RBFOX1: variants seen among roughly 807,000 people sequenced by gnomAD.
The protein encoded by RBFOX1 is RNA binding fox-1 homolog 1.
In RBFOX1, 8 loss-of-function variants were observed where a neutral mutation model predicts 57.7. That is an observed-to-expected ratio of 0.14 (90% confidence interval 0.08 to 0.25). RBFOX1 has a LOEUF of 0.25. RBFOX1 is among the 10% of genes least tolerant of loss of function. The pLI is 1.00. For missense variants in RBFOX1, 611 were observed against 548.5 expected (o/e 1.11, Z -1.14); for synonymous variants, 326 against 222.4 (o/e 1.47, Z -4.15).
intron 1 of RBFOX1, among the ~76,000 whole-genome samples, chr16:6,196,107 A>C (rs764524045): frequency 6.6e-6 from 1 of 152,226 alleles, no homozygotes; most frequent in Admixed American, 6.5e-5. Flanking sequence ...AGTGCTTTGC[A>C]TTCATTCTCA....
At chr16:5,708,370 C>G (rs1386159682) in intron 3 of RBFOX1, among the ~76,000 whole-genome samples, 1 of 151,972 alleles carries the variant, frequency 6.6e-6, no homozygotes, top group Non-Finnish European at 1.5e-5. Context: ...CTTCCATATA[C>G]ATAGATTCCT....
intron 11 of RBFOX1, among the ~76,000 whole-genome samples, chr16:7,642,656 C>T (rs916161403): frequency 2.0e-5 from 3 of 152,092 alleles, no homozygotes; most frequent in South Asian, 2.1e-4. Context: ...TATGTATATG[C>T]ACTGGATAAA....
chr16:5,771,982 A>T (rs548566989), intron 3 of RBFOX1, among the ~76,000 whole-genome samples: 1 of 151,968 alleles, frequency 6.6e-6, no homozygotes, highest in Non-Finnish European at 1.5e-5. Context: ...GACCAGCCTG[A>T]CCAACATGGT....
At chr16:7,266,128 A>C (rs776300804) in intron 4 of RBFOX1, among the ~76,000 whole-genome samples, 1 of 151,704 alleles carries the variant, frequency 6.6e-6, no homozygotes, top group Admixed American at 6.6e-5. Flanking sequence ...GCGCTCGCCA[A>C]TACACCTGGC....
intron 3 of RBFOX1, among the ~76,000 whole-genome samples, chr16:6,773,459 TTGTG>T (rs2078773104): frequency 1.5e-5 from 2 of 132,546 alleles, no homozygotes; most frequent in South Asian, 5.0e-4. Flanking sequence ...TAGGGTGCAA[TTGTG>T]TGTGTATGTG....
At chr16:7,445,644 C>G (rs2098802070) in intron 4 of RBFOX1, among the ~76,000 whole-genome samples, 1 of 151,984 alleles carries the variant, frequency 6.6e-6, no homozygotes. Context: ...CTTCTGGTCT[C>G]TTAGAAATTC....
chr16:5,611,045 C>T (rs1481539881), intron 3 of RBFOX1, among the ~76,000 whole-genome samples: 1 of 152,138 alleles, frequency 6.6e-6, no homozygotes, highest in East Asian at 1.9e-4. Flanking sequence ...TAGTCTGTTT[C>T]CATATCTCCC....
intron 4 of RBFOX1, among the ~76,000 whole-genome samples, chr16:7,324,976 G>A (rs1410603880): frequency 1.3e-5 from 2 of 152,152 alleles, no homozygotes; most frequent in African/African-American, 2.4e-5. Context: ...TTAATTCCTG[G>A]GTCTTAGTTT....
At chr16:6,784,508 A>G (rs1398145978) in intron 3 of RBFOX1, among the ~76,000 whole-genome samples, 2 of 152,118 alleles carry the variant, frequency 1.3e-5, no homozygotes, top group South Asian at 2.1e-4. Flanking sequence ...TAGAATTCCA[A>G]ATTCCTCTTC....
chr16:6,736,741 A>G (rs919211024), intron 3 of RBFOX1, among the ~76,000 whole-genome samples: 30 of 152,216 alleles, frequency 2.0e-4, no homozygotes, highest in African/African-American at 7.2e-4. Context: ...CCACACTGGG[A>G]AAACCAGTTT....
intron 3 of RBFOX1, among the ~76,000 whole-genome samples, chr16:6,808,960 A>G (rs1225347328): frequency 6.6e-6 from 1 of 152,208 alleles, no homozygotes; most frequent in East Asian, 1.9e-4. Context: ...TCTATATTTG[A>G]GTCCTTGTGG....
At chr16:7,559,569 C>G (rs1425150278) in intron 5 of RBFOX1, among the ~76,000 whole-genome samples, 3 of 152,294 alleles carry the variant, frequency 2.0e-5, no homozygotes, top group East Asian at 1.9e-4. Flanking sequence ...GAATTGTGTG[C>G]AAACCCTGAT....
At chr16:6,653,352 G>A (rs1274573963) in intron 2 of RBFOX1, among the ~76,000 whole-genome samples, 1 of 152,150 alleles carries the variant, frequency 6.6e-6, no homozygotes, top group African/African-American at 2.4e-5. Flanking sequence ...ACCAGGGCGG[G>A]CCTGCCATGT....
intron 3 of RBFOX1, among the ~76,000 whole-genome samples, chr16:5,781,719 T>C (rs539865009): frequency 6.6e-6 from 1 of 152,250 alleles, no homozygotes; most frequent in South Asian, 2.1e-4. Flanking sequence ...TGGGCTATAT[T>C]TGAAAGCCCC....
At chr16:6,256,952 C>T (rs868742723) in intron 1 of RBFOX1, among the ~76,000 whole-genome samples, 1 of 152,012 alleles carries the variant, frequency 6.6e-6, no homozygotes, top group Non-Finnish European at 1.5e-5. Context: ...GTGTGCACCC[C>T]AAAGCGTAAA....
At chr16:7,458,507 C>T (rs956838544) in intron 4 of RBFOX1, among the ~76,000 whole-genome samples, 1 of 152,168 alleles carries the variant, frequency 6.6e-6, no homozygotes, top group Non-Finnish European at 1.5e-5. Context: ...TTTTATTTTA[C>T]TGTTGCTTAT....
intron 1 of RBFOX1, among the ~76,000 whole-genome samples, chr16:5,436,252 C>A (rs191403661): frequency 1.1e-4 from 16 of 152,310 alleles, no homozygotes; most frequent in African/African-American, 3.4e-4. Flanking sequence ...TGTTCCTTTT[C>A]TTCAACAGTG....
intron 7 of RBFOX1, among the ~76,000 whole-genome samples, chr16:7,587,938 G>A (rs1413494379): frequency 3.9e-5 from 6 of 152,224 alleles, no homozygotes; most frequent in Non-Finnish European, 7.3e-5. Context: ...TGTAATCCCA[G>A]CACTTTGAGG....
intron 1 of RBFOX1, among the ~76,000 whole-genome samples, chr16:5,409,667 A>T (rs544327405): frequency 6.6e-6 from 1 of 152,332 alleles, no homozygotes; most frequent in South Asian, 2.1e-4. Flanking sequence ...GCGTATATTC[A>T]TTCCAGCCAG....
Sources: allele counts gnomAD v4.1 joint callset (sites outside exome capture counted in the v4.1 genomes callset), GRCh38; gene constraint gnomAD v4.1.1; transcripts MANE v1.5; gene names NCBI Gene and HGNC (gene_info 2026-07-23, HGNC 2026-07-21).